The following DNAH1 variants were observed in gnomAD, a reference collection of about 807,000 sequenced individuals.
DNAH1 encodes dynein axonemal heavy chain 1, also known as axonemal beta dynein heavy chain 1.
Under a neutral mutation model 484.3 loss-of-function variants are expected in DNAH1, and 327 were observed. The ratio of observed to expected loss-of-function variants is 0.68; its 90% CI spans 0.62 to 0.74. The LOEUF is 0.74. Ranked by LOEUF, DNAH1 falls within the 30% of genes least tolerant of loss-of-function variation. DNAH1 has a pLI of 0.00. For missense variants in DNAH1, 5,052 were observed against 5,546.8 expected (o/e 0.91, Z 2.83); for synonymous variants, 2,192 against 2,191.9 (o/e 1.00, Z 0.00).
rs1396758303 is a variant in DNAH1 at position 52,397,557 on chromosome 3, G to A, written c.11788-150G>A. Reference sequence around the variant, plus strand: ...CACCACACAGTGCCTCAGAGGCCTGGAGTCCCAAGAGCAGGGACATGCATA... The same window carrying A: ...CACCACACAGTGCCTCAGAGGCCTGAAGTCCCAAGAGCAGGGACATGCATA... On this transcript the variant is annotated intron_variant, in intron 73 of 77. Transcript: ENST00000420323. 9.9e-6 allele frequency: 7 copies of A among 710,496 alleles called. No individual in the cohort carries two copies. In the Admixed American group the frequency reaches 2.3e-4, roughly 23 times the overall value. The allele number at this position is 710,496 out of a possible 1,614,324, so 44.0% of individuals were successfully genotyped here.
Position 52,344,573 on chromosome 3 carries a change from T to C in DNAH1, c.1370T>C (p.Val457Ala), listed in dbSNP as rs776864119. The C allele has an allele frequency of 2.5e-6, 4 of 1,614,018 alleles. No individual in the cohort carries two copies. Among genetic ancestry groups the C allele is most frequent in the Non-Finnish European group, 3.4e-6 (4 of 1,179,866 alleles). The change falls in exon 9 of 78, where the codon GTT (valine) becomes GCT (alanine). Residue 457 changes from valine (V) to alanine (A), a missense_variant. Coordinates refer to ENST00000420323, the MANE Select transcript of DNAH1 (RefSeq NM_015512.5). ...RSMNKINFDH[V>A]VSSKPETFSY... ...ATGAACAAGATCAACTTTGACCACG[T>C]TGTCTCTTCCAAGCCCGAGACCTTC...
At position 52,346,898 on chromosome 3, in the gene DNAH1, G is replaced by A. The variant is rs142910162; in HGVS notation, c.1955+128G>A. ...CAGGTCCCAGGCAGTAAGGAGAGCC[G>A]AGCTCCCTGCAGGCTGCTGGGCAAT... On this transcript the variant is annotated intron_variant, in intron 11 of 77. Coordinates refer to ENST00000420323, the MANE Select transcript of DNAH1 (RefSeq NM_015512.5). The A allele has an allele frequency of 1.2e-3, 1,256 of 1,032,100 alleles. 2 individuals are homozygous for A. Among genetic ancestry groups the A allele is most frequent in the Non-Finnish European group, 1.6e-3 (1,119 of 718,822 alleles). The allele number at this position is 1,032,100 out of a possible 1,614,324, so 63.9% of individuals were successfully genotyped here. A position where few individuals can be genotyped will look rare whatever the true frequency, so the allele number is the denominator to read the frequency against.
At chr3:52,386,442 C>T (rs1041602608) in intron 55 of DNAH1, 97 bp downstream of exon 55, 10 of 1,426,210 alleles carry the variant, frequency 7.0e-6, no homozygotes, top group East Asian at 2.5e-5. Flanking sequence ...CCTGCCCCAC[C>T]CTCCTCATTC....
Position 52,395,205 on chromosome 3 carries a change from A to C in DNAH1, c.10969-103A>C. 1 of 1,493,434 alleles carries C rather than the reference A, an allele frequency of 6.7e-7. No homozygotes were observed. Among genetic ancestry groups the C allele is most frequent in the Admixed American group, 2.1e-5 (1 of 47,590 alleles). The allele number at this position is 1,493,434 out of a possible 1,614,324, so 92.5% of individuals were successfully genotyped here. ...AGGCTCTGAGGTTCCAGCCCCCACCAGGAAGCCCACTGGGGACCACTCTGA... is the reference window on the plus strand; with the variant it reads ...AGGCTCTGAGGTTCCAGCCCCCACCCGGAAGCCCACTGGGGACCACTCTGA... On this transcript the variant is annotated intron_variant, in intron 68 of 77. Transcript: ENST00000420323. The surrounding 1 kb of genome is among the most constrained non-coding windows in gnomAD (Gnocchi z 4.4).
At chr3:52,399,814 C>T (rs779411652) in intron 77 of DNAH1, 35 bp downstream of exon 77, 13 of 1,599,444 alleles carry the variant, frequency 8.1e-6, no homozygotes, top group Middle Eastern at 3.3e-4. Context: ...ACACTATGGG[C>T]GGGGACCCAG....
chr3:52,378,540 C>T, intron 46 of DNAH1, 62 bp from the exon 47 acceptor site: 7 of 1,559,688 alleles, frequency 4.5e-6, no homozygotes, highest in African/African-American at 2.7e-5. Context: ...GAGGTCAGGA[C>T]CTGCAGAGGC....
At position 52,361,884 on chromosome 3, in the gene DNAH1, T is replaced by TG; in HGVS notation, c.4980+119dup. The TG allele has an allele frequency of 9.1e-7, 1 of 1,103,500 alleles. No homozygotes were observed. Among genetic ancestry groups the TG allele is most frequent in the South Asian group, 1.5e-5 (1 of 66,396 alleles). 68.4% of individuals were successfully genotyped at this position (1,103,500 alleles called of 1,614,324 possible). ...GGTCCACCCTGGGTCCAGCCTCTCTTGTCCCGGGGGCACACCCTAACCCCA... is the reference window on the plus strand; with the variant it reads ...GGTCCACCCTGGGTCCAGCCTCTCTTGGTCCCGGGGGCACACCCTAACCCCA... On this transcript the variant is annotated intron_variant, in intron 30 of 77. Transcript: ENST00000420323. The surrounding 1 kb of genome is among the most constrained non-coding windows in gnomAD (Gnocchi z 5.6).
chr3:52,392,799 T>TGGGGGGGGGGGGGGGGGGGGGGGGGGG, intron 64 of DNAH1, 31 bp from the exon 65 acceptor site: 5 of 1,274,358 alleles, frequency 3.9e-6, no homozygotes, highest in Non-Finnish European at 5.4e-6. Context: ...TTCTGCTCTT[T>TGGGGGGGGGGGGGGGGGGGGGGGGGGG]GACCCCTCCC....
At position 52,400,468 on chromosome 3, in the gene DNAH1, C is replaced by T. The variant is rs759692971; in HGVS notation, c.*22C>T. On this transcript the variant is annotated 3_prime_UTR_variant, in exon 78 of 78. Transcript: ENST00000420323. The stretch of plus-strand genomic sequence containing the variant: ...CTAGACTCAGACAGAAGGGCTGGGG[C>T]CATTAAAGCTGAATTTTCTAAGCAG... The T allele has an allele frequency of 6.2e-6, 10 of 1,613,820 alleles. No homozygotes were observed. The highest frequency in any genetic ancestry group is 8.5e-6 in the Non-Finnish European group (10 of 1,179,728).
chr3:52,370,944 A>G (rs759503036), intron 41 of DNAH1, 119 bp downstream of exon 41: 280 of 955,714 alleles, frequency 2.9e-4, no homozygotes, highest in Non-Finnish European at 4.2e-4. Flanking sequence ...GGTCTCAGGC[A>G]GCGGTTATTT....
intron 44 of DNAH1, chr3:52,373,669 A>C: frequency 7.1e-7 from 1 of 1,400,552 alleles, no homozygotes; most frequent in Non-Finnish European, 1.0e-6. Flanking sequence ...CCTCCTGCTG[A>C]TCAAAAGAAG....
intron 52 of DNAH1, among the ~76,000 whole-genome samples, 158 bp from the exon 53 acceptor site, chr3:52,384,628 C>T (rs927099476): frequency 2.6e-5 from 4 of 152,324 alleles, no homozygotes; most frequent in African/African-American, 7.2e-5. Flanking sequence ...AAGGTGACCT[C>T]GACCTGGAGG....
intron 22 of DNAH1, 115 bp from the exon 23 acceptor site, chr3:52,357,499 T>A: frequency 7.3e-7 from 1 of 1,373,538 alleles, no homozygotes; most frequent in Non-Finnish European, 9.8e-7. Context: ...TTCTGCATCT[T>A]CTTTCCCAGG....
rs370594118 is a variant in DNAH1, at chr3:52,388,174, T to C, written c.9011T>C (p.Ile3004Thr). 3.1e-6 allele frequency: 5 copies of C among 1,608,838 alleles called. No individual in the cohort carries two copies. The highest frequency in any genetic ancestry group is 2.2e-5 in the East Asian group (1 of 44,740). The part of the protein sequence containing the change: ...ESLFKFDKDN[I>T]GDVVIKAIQP... ...CCAGGCTTCCCACCTCAGGACAACATTGGGGATGTGGTGATCAAAGCCATC... is the reference window on the plus strand; with the variant it reads ...CCAGGCTTCCCACCTCAGGACAACACTGGGGATGTGGTGATCAAAGCCATC... The change falls in exon 57 of 78, where the codon ATT (isoleucine) becomes ACT (threonine). Residue 3004 changes from isoleucine (I) to threonine (T), a missense_variant. Transcript: ENST00000420323.
At position 52,395,344 on chromosome 3, in the gene DNAH1, TCCA is replaced by T; in HGVS notation, c.11010_11012del (p.Thr3671del). The stretch of plus-strand genomic sequence containing the variant: ...GTCAGTGGTGTTCAAAGACTCCAAC[TCCA>T]CCACACCCCTCATCTTTGTGCTGTC... On this transcript the variant is annotated inframe_deletion, in exon 69 of 78. Transcript: ENST00000420323. The surrounding 1 kb of genome is among the most constrained non-coding windows in gnomAD (Gnocchi z 4.4). 6.2e-7 allele frequency: 1 copy of T among 1,613,744 alleles called. No homozygotes were observed. The highest frequency in any genetic ancestry group is 1.7e-5 in the Admixed American group (1 of 59,990).
In DNAH1 at chr3:52,396,348, C is replaced by T. The variant is rs772397002; in HGVS notation, c.11260-20C>T. 1.2e-5 allele frequency: 19 copies of T among 1,559,104 alleles called. No individual in the cohort carries two copies. The highest frequency in any genetic ancestry group is 1.4e-5 in the African/African-American group (1 of 73,380). Reference sequence around the variant, plus strand: ...CACCAGATATGGGTCTCAATGCTCACGTGGAGCCATGGCCACCAGGTACAC... The same window carrying T: ...CACCAGATATGGGTCTCAATGCTCATGTGGAGCCATGGCCACCAGGTACAC... On this transcript the variant is annotated intron_variant, in intron 70 of 77. Transcript: ENST00000420323.
Position 52,393,358 on chromosome 3 carries a change from A to G in DNAH1, c.10499A>G (p.Asn3500Ser). The change falls in exon 66 of 78, where the codon AAC (asparagine) becomes AGC (serine). Residue 3500 changes from asparagine (N) to serine (S), a missense_variant. Transcript: ENST00000420323. ...RADNLKKRIS[N>S]INRYLTYSLY... is the part of the protein sequence containing the mutation. ...GACAACCTGAAGAAGCGCATCTCCA[A>G]CATCAACCGCTACCTGACCTACAGC... The G allele has an allele frequency of 2.5e-6, 4 of 1,613,828 alleles. No homozygotes were observed. The highest frequency in any genetic ancestry group is 1.7e-5 in the Admixed American group (1 of 60,010).
Position 52,359,386 on chromosome 3 carries a change from G to T in DNAH1, c.4407G>T (p.Gln1469His). 6.4e-7 allele frequency: 1 copy of T among 1,569,688 alleles called. No individual in the cohort carries two copies. The highest frequency in any genetic ancestry group is 8.6e-7 in the Non-Finnish European group (1 of 1,156,870). The stretch of plus-strand genomic sequence containing the variant: ...AACTGTTCCCCCAGCTCTGCCAGCA[G>T]GTTGGAGTCAAGAGGACCCCTGTCT... ...RSQLFPQLCQ[Q>H]LSDLVALVRG... The change falls in exon 26 of 78, where the codon CAG becomes CAT. Residue 1469 changes from glutamine (Q) to histidine (H), a missense_variant and splice_region_variant. Physicochemically the swap from Gln to His is conservative, Grantham distance 24 (BLOSUM62 0). Transcript: ENST00000420323.
chr3:52,346,890 G>A, intron 11 of DNAH1, 120 bp downstream of exon 11: 2 of 1,108,892 alleles, frequency 1.8e-6, no homozygotes, highest in Non-Finnish European at 1.3e-6. Context: ...CAGGCAGTAA[G>A]GAGAGCCGAG....
Sources: allele counts gnomAD v4.1 joint callset (sites outside exome capture counted in the v4.1 genomes callset), GRCh38; gene constraint gnomAD v4.1.1; non-coding constraint Gnocchi (gnomAD v3.1); transcripts MANE v1.5; gene names NCBI Gene and HGNC (gene_info 2026-07-23, HGNC 2026-07-21).